Variants in RIMKLB observed in about 807,000 individuals in gnomAD.
The protein encoded by RIMKLB is beta-citrylglutamate synthase B.
In RIMKLB, 7 loss-of-function variants were observed where a neutral mutation model predicts 32.0. That is an observed-to-expected ratio of 0.22 (90% CI 0.12 to 0.41). The LOEUF (loss-of-function observed/expected upper bound fraction) is 0.41, where lower values mean the gene tolerates loss of function less well. Ranked by LOEUF, RIMKLB falls within the 10% of genes least tolerant of loss-of-function variation. The probability of loss-of-function intolerance (pLI) is 1.00; values close to 1 mark genes in which losing one functional copy is unlikely to be tolerated. For missense variants in RIMKLB, 289 were observed against 498.7 expected, an observed-to-expected ratio of 0.58 and a Z score of 4.00; for synonymous variants, 172 against 185.1, an observed-to-expected ratio of 0.93 and a Z score of 0.57.
chr12:8,698,304 G>T lies in RIMKLB; in HGVS notation c.-57+7G>T, dbSNP rs1437101812. 3 of 335,018 alleles carry T rather than the reference G, an allele frequency of 9.0e-6. 1 individual carries two copies. The highest frequency in any genetic ancestry group is 6.0e-5 in the South Asian group (3 of 49,942). The allele number at this position is 335,018 out of a possible 1,614,324, so 20.8% of individuals were successfully genotyped here. On this transcript the variant is annotated splice_region_variant and intron_variant, in intron 1 of 5. Transcript: ENST00000535829. ...GAGGAGCCCCCCGACCCAGGTGAGC[G>T]GTACGACCGCTGTTGCCCTCGGGTG...
chr12:8,700,567 C>T (rs1291543515), intron 1 of RIMKLB: 1 of 152,138 alleles, frequency 6.6e-6, no homozygotes, highest in Non-Finnish European at 1.5e-5. Flanking sequence ...AACTTCTATA[C>T]CCACGAACAA....
chr12:8,701,578 T>C (rs1943403493), intron 1 of RIMKLB, among the ~76,000 whole-genome samples: 1 of 152,118 alleles, frequency 6.6e-6, no homozygotes, highest in Non-Finnish European at 1.5e-5. Context: ...TTTCTAACTT[T>C]GTTAACAAAG....
At chr12:8,740,847 C>T (rs988347962) in intron 2 of RIMKLB, among the ~76,000 whole-genome samples, 2 of 152,104 alleles carry the variant, frequency 1.3e-5, no homozygotes, top group African/African-American at 4.8e-5. Flanking sequence ...CTGAGGTGGG[C>T]AGATCACTTG....
At chr12:8,675,375 T>C in the RIMKLB span, among the ~76,000 whole-genome samples, 1 of 152,178 alleles carries the variant, frequency 6.6e-6, no homozygotes, top group African/African-American at 2.4e-5. Flanking sequence ...ATTTCTTTTT[T>C]CTTCTTCTTC....
intron 1 of RIMKLB, among the ~76,000 whole-genome samples, chr12:8,698,551 GC>G (rs954494088): frequency 1.3e-5 from 2 of 152,118 alleles, no homozygotes; most frequent in African/African-American, 4.8e-5. Flanking sequence ...GCGTGTGCGT[GC>G]GACCGGGCGA....
chr12:8,776,912 T>C lies in RIMKLB; in HGVS notation c.*3128T>C, dbSNP rs9783524. On this transcript the variant is annotated 3_prime_UTR_variant, in exon 6 of 6. Coordinates refer to ENST00000535829, the MANE Select transcript of RIMKLB (RefSeq NM_001297776.2). ...AGAAAGCAATGGAGAAGCAAATTTGTTTCATTCAGTGAATCCCCAGTTTGG... is the reference window on the plus strand; with the variant it reads ...AGAAAGCAATGGAGAAGCAAATTTGCTTCATTCAGTGAATCCCCAGTTTGG... 7.3e-3 allele frequency: 7,166 copies of C among 985,756 alleles called. 403 individuals carry two copies. In the African/African-American group the frequency reaches 0.11, roughly 16 times the overall value. The allele number at this position is 985,756 out of a possible 1,614,324, so 61.1% of individuals were successfully genotyped here. A position where few individuals can be genotyped will look rare whatever the true frequency, so the allele number is the denominator to read the frequency against.
intron 1 of RIMKLB, among the ~76,000 whole-genome samples, chr12:8,684,155 A>G (rs1395726506): frequency 2.0e-5 from 3 of 151,610 alleles, no homozygotes; most frequent in Non-Finnish European, 4.4e-5. Context: ...AGTTATTGCC[A>G]TACTGAAGGT....
chr12:8,746,864 C>G (rs936657870), intron 2 of RIMKLB, among the ~76,000 whole-genome samples: 1 of 152,180 alleles, frequency 6.6e-6, no homozygotes, highest in Non-Finnish European at 1.5e-5. Context: ...CCTCAGCCTT[C>G]TGAGTAACTA....
chr12:8,692,089 A>G (rs907148501), intron 1 of RIMKLB, among the ~76,000 whole-genome samples: 1 of 150,638 alleles, frequency 6.6e-6, no homozygotes, highest in African/African-American at 2.4e-5. Context: ...TTCTTATTTC[A>G]TTTTTTTCTT....
At chr12:8,746,760 CT>C (rs200870665) in intron 2 of RIMKLB, among the ~76,000 whole-genome samples, 1 of 151,306 alleles carries the variant, frequency 6.6e-6, no homozygotes, top group Non-Finnish European at 1.5e-5. Context: ...CTTCAAAAAA[CT>C]TTTTTTTTCC....
the RIMKLB span, among the ~76,000 whole-genome samples, chr12:8,672,974 C>T: frequency 1.9e-4 from 29 of 152,240 alleles, no homozygotes; most frequent in Middle Eastern, 6.8e-3. Flanking sequence ...CTCCACCTCC[C>T]GGGTTCAAGA....
In RIMKLB at chr12:8,776,209, T is replaced by G. The variant is rs1421723144; in HGVS notation, c.*2425T>G. 2.0e-6 allele frequency: 2 copies of G among 981,262 alleles called. No individual in the cohort carries two copies. Among genetic ancestry groups the G allele is most frequent in the Non-Finnish European group, 2.4e-6 (2 of 826,268 alleles). The allele number at this position is 981,262 out of a possible 1,614,324, so 60.8% of individuals were successfully genotyped here. A position where few individuals can be genotyped will look rare whatever the true frequency, so the allele number is the denominator to read the frequency against. On this transcript the variant is annotated 3_prime_UTR_variant, in exon 6 of 6. Coordinates refer to ENST00000535829, the MANE Select transcript of RIMKLB (RefSeq NM_001297776.2). ...TTAACCAACTATATTATAGGAAATA[T>G]GTGAAATTAGTTCATTAGCTTTATT...
intron 2 of RIMKLB, among the ~76,000 whole-genome samples, chr12:8,743,354 CAAAA>C (rs60066068): frequency 2.1e-4 from 14 of 65,188 alleles, no homozygotes; most frequent in African/African-American, 6.3e-4. Context: ...GAGTCTGTCT[CAAAA>C]AAAAAAAAAA....
intron 5 of RIMKLB, among the ~76,000 whole-genome samples, chr12:8,765,497 ATT>A (rs1949882604): frequency 6.6e-6 from 1 of 152,180 alleles, no homozygotes; most frequent in Non-Finnish European, 1.5e-5. Flanking sequence ...TAGCAGTAAC[ATT>A]ATATCTCTCC....
intron 2 of RIMKLB, among the ~76,000 whole-genome samples, chr12:8,746,759 AC>A (rs1227957150): frequency 6.6e-6 from 1 of 151,848 alleles, no homozygotes. Flanking sequence ...CCTTCAAAAA[AC>A]TTTTTTTTTC....
intron 2 of RIMKLB, among the ~76,000 whole-genome samples, chr12:8,741,923 C>CTT (rs145008488): frequency 2.0e-5 from 3 of 146,870 alleles, no homozygotes; most frequent in African/African-American, 7.7e-5. Context: ...AAAAGGAGAG[C>CTT]TTTTTTTTTT....
the RIMKLB span, among the ~76,000 whole-genome samples, chr12:8,673,584 C>G: frequency 1.3e-5 from 2 of 151,600 alleles, no homozygotes; most frequent in Non-Finnish European, 2.9e-5. Context: ...TCCACCAACT[C>G]AACTCACTCG....
intron 2 of RIMKLB, among the ~76,000 whole-genome samples, chr12:8,730,942 G>A (rs1565588765): frequency 1.3e-5 from 2 of 152,094 alleles, no homozygotes; most frequent in Non-Finnish European, 2.9e-5. Flanking sequence ...GTTATGCCAT[G>A]TTGGCCAGGC....
chr12:8,753,802 A>G (rs938565551), intron 4 of RIMKLB, 88 bp from the exon 5 acceptor site: 1 of 1,024,636 alleles, frequency 9.8e-7, no homozygotes, highest in Non-Finnish European at 1.5e-6. Flanking sequence ...CTGAAATAGC[A>G]GATTGTGATA....
Sources: allele counts gnomAD v4.1 joint callset (sites outside exome capture counted in the v4.1 genomes callset), GRCh38; gene constraint gnomAD v4.1.1; transcripts MANE v1.5; gene names NCBI Gene and HGNC (gene_info 2026-07-23, HGNC 2026-07-21).